Variants in ZNF561 observed in about 807,000 individuals in gnomAD.
ZNF561 encodes the protein zinc finger protein 561.
Under a neutral mutation model 16.7 loss-of-function variants are expected in ZNF561, and 16 were observed. The observed-to-expected ratio is 0.96, with a 90% CI of 0.65 to 1.45. The LOEUF (loss-of-function observed/expected upper bound fraction) is 1.45, where lower values mean the gene tolerates loss of function less well. ZNF561 is among the 40% of genes most tolerant of loss of function. ZNF561 has a pLI of 0.00. For synonymous variants in ZNF561, 190 were observed against 192.1 expected (o/e 0.99, Z 0.09); for missense variants, 580 against 578.0 (o/e 1.00, Z -0.04).
rs532148577 is a variant in ZNF561, at chr19:9,617,982, G to T, written c.114+109C>A. The stretch of plus-strand genomic sequence containing the variant: ...TCTGGGGACTCAGTCCTTGAGTAAG[G>T]CTTCATTTGCTCTAAGAAAACTCTG... On this transcript the variant is annotated intron_variant, in intron 3 of 5. Transcript: ENST00000302851. The T allele has an allele frequency of 4.9e-5, 50 of 1,017,588 alleles. No individual in the cohort carries two copies. In the African/African-American group the frequency reaches 7.9e-4, roughly 16 times the overall value. 63.0% of individuals were successfully genotyped at this position (1,017,588 alleles called of 1,614,324 possible).
chr19:9,620,024 G>A (rs1406909547), intron 1 of ZNF561, among the ~76,000 whole-genome samples: 1 of 151,888 alleles, frequency 6.6e-6, no homozygotes, highest in African/African-American at 2.4e-5. Context: ...GACTTCCCGG[G>A]CTCAAGTGAT....
rs1371439770 is a variant in ZNF561 at position 9,608,083 on chromosome 19, G to A, written c.*2117C>T. 1 of 152,200 alleles carries A rather than the reference G, an allele frequency of 6.6e-6. No individual in the cohort carries two copies. Among genetic ancestry groups the A allele is most frequent in the African/African-American group, 2.4e-5 (1 of 41,430 alleles). 9.4% of individuals were successfully genotyped at this position (152,200 alleles called of 1,614,324 possible). A position where few individuals can be genotyped will look rare whatever the true frequency, so the allele number is the denominator to read the frequency against. On this transcript the variant is annotated 3_prime_UTR_variant, in exon 6 of 6. Transcript: ENST00000302851. ...AGACAGGGTTTCACCGTGTTAACTA[G>A]GACAGTCTCGATCTCCTGACCTCGT...
chr19:9,618,543 G>A (rs929128651), intron 2 of ZNF561, among the ~76,000 whole-genome samples: 5 of 151,486 alleles, frequency 3.3e-5, no homozygotes, highest in African/African-American at 1.2e-4. Context: ...TAGCTAACAC[G>A]GTGAAACCCC....
At chr19:9,620,218 T>C (rs1294110017) in intron 1 of ZNF561, among the ~76,000 whole-genome samples, 1 of 152,138 alleles carries the variant, frequency 6.6e-6, no homozygotes, top group Non-Finnish European at 1.5e-5. Flanking sequence ...GCCTCCCGAG[T>C]AGCTGGGATT....
intron 1 of ZNF561, among the ~76,000 whole-genome samples, chr19:9,620,698 T>C (rs562934209): frequency 4.9e-4 from 75 of 152,284 alleles, no homozygotes; most frequent in African/African-American, 1.8e-3. Flanking sequence ...CCACGTGTGT[T>C]ATTGATAACT....
chr19:9,609,373 A>G lies in ZNF561; in HGVS notation c.*827T>C, dbSNP rs1363571767. Reference sequence around the variant, plus strand: ...GGGTCTCCATGACCCAGCTGGTCTCAGCAAAAATGCAAAAGGAGACCTGAA... The same window carrying G: ...GGGTCTCCATGACCCAGCTGGTCTCGGCAAAAATGCAAAAGGAGACCTGAA... On this transcript the variant is annotated 3_prime_UTR_variant, in exon 6 of 6. Transcript: ENST00000302851. 10 of 152,294 alleles carry G rather than the reference A, an allele frequency of 6.6e-5. No homozygotes were observed. The highest frequency in any genetic ancestry group is 5.9e-4 in the Admixed American group (9 of 15,304). The allele number at this position is 152,294 out of a possible 1,614,324, so 9.4% of individuals were successfully genotyped here. A position where few individuals can be genotyped will look rare whatever the true frequency, so the allele number is the denominator to read the frequency against.
At position 9,620,064 on chromosome 19, in the gene ZNF561, G is replaced by C. The variant is rs1167062628; in HGVS notation, c.-126-482C>G. ...CCACTTCAGCCTCCTGAATAGCTGG[G>C]ACCATAGGTGCGTATCATCACTCAT... On this transcript the variant is annotated intron_variant, in intron 1 of 5. Transcript: ENST00000302851. Among the ~76,000 whole-genome samples the C allele has an allele frequency of 2.0e-5, 3 of 151,852 alleles. No individual in the cohort carries two copies. In the East Asian group the frequency reaches 5.8e-4, roughly 29 times the overall value.
intron 2 of ZNF561, 98 bp downstream of exon 2, chr19:9,619,334 C>G: frequency 2.7e-6 from 3 of 1,126,368 alleles, no homozygotes; most frequent in Admixed American, 2.2e-5. Flanking sequence ...CTAAAAGAAC[C>G]AGCTGCATGC....
chr19:9,617,327 A>AT (rs1257905480), intron 3 of ZNF561, 156 bp from the exon 4 acceptor site: 1 of 1,303,406 alleles, frequency 7.7e-7, no homozygotes, highest in Non-Finnish European at 9.8e-7. Flanking sequence ...TCTTGTGTCT[A>AT]AACACTCAAG....
rs556380053 is a variant in ZNF561 at position 9,608,544 on chromosome 19, G to A, written c.*1656C>T. ...GTGATAGTGGCCTGAGCTCATTAAGGCAGATTAAAAACAAACAAACAAAAA... is the reference window on the plus strand; with the variant it reads ...GTGATAGTGGCCTGAGCTCATTAAGACAGATTAAAAACAAACAAACAAAAA... On this transcript the variant is annotated 3_prime_UTR_variant, in exon 6 of 6. Transcript: ENST00000302851. 1.3e-5 allele frequency: 2 copies of A among 152,246 alleles called. No homozygotes were observed. The highest frequency in any genetic ancestry group is 4.8e-5 in the African/African-American group (2 of 41,538). 9.4% of individuals were successfully genotyped at this position (152,246 alleles called of 1,614,324 possible).
In ZNF561 at chr19:9,609,540, T is replaced by C. The variant is rs2074408157; in HGVS notation, c.*660A>G. 1 of 152,182 alleles carries C rather than the reference T, an allele frequency of 6.6e-6. No homozygotes were observed. Among genetic ancestry groups the C allele is most frequent in the African/African-American group, 2.4e-5 (1 of 41,448 alleles). The allele number at this position is 152,182 out of a possible 1,614,324, so 9.4% of individuals were successfully genotyped here. On this transcript the variant is annotated 3_prime_UTR_variant, in exon 6 of 6. Transcript: ENST00000302851. ...GCTGAACGATCATCTGATAAAGAGA[T>C]CATGAGTGGGATTCATGGACTATAT...
chr19:9,617,963 G>T lies in ZNF561; in HGVS notation c.114+128C>A, dbSNP rs2074588297. The T allele has an allele frequency of 1.1e-5, 9 of 838,572 alleles. No individual in the cohort carries two copies. The South Asian group carries it at 1.3e-4, about 12-fold the overall frequency. The allele number at this position is 838,572 out of a possible 1,614,324, so 51.9% of individuals were successfully genotyped here. ...CATTCCCTGGGGAAATTCATCTGGG[G>T]ACTCAGTCCTTGAGTAAGGCTTCAT... On this transcript the variant is annotated intron_variant, in intron 3 of 5. Transcript: ENST00000302851.
chr19:9,618,050 G>A, intron 3 of ZNF561, 41 bp downstream of exon 3: 2 of 1,513,552 alleles, frequency 1.3e-6, no homozygotes, highest in South Asian at 2.4e-5. Flanking sequence ...CCTATTGGAT[G>A]AAAGCATATC....
chr19:9,619,516 G>T lies in ZNF561; in HGVS notation c.-60C>A, dbSNP rs757786512. 3.3e-5 allele frequency: 52 copies of T among 1,590,344 alleles called. No individual in the cohort carries two copies. Among genetic ancestry groups the T allele is most frequent in the Non-Finnish European group, 4.0e-5 (47 of 1,160,772 alleles). ...TTCCTTGATGCCAAGATCACCTCAG[G>T]CCAGCTTATGAATCTAGGTGGATAG... On this transcript the variant is annotated 5_prime_UTR_variant, in exon 2 of 6. Transcript: ENST00000302851.
chr19:9,616,550 G>T (rs879323987), intron 4 of ZNF561, among the ~76,000 whole-genome samples: 15 of 151,872 alleles, frequency 9.9e-5, no homozygotes, highest in Non-Finnish European at 1.5e-4. Flanking sequence ...CAAAGTGCTG[G>T]GATTATAGAT....
chr19:9,613,301 GTTTC>G (rs1461690895), intron 5 of ZNF561, among the ~76,000 whole-genome samples: 4 of 151,966 alleles, frequency 2.6e-5, no homozygotes, highest in South Asian at 4.1e-4. Flanking sequence ...CATTTGTGCA[GTTTC>G]TTTTTCACTG....
At chr19:9,618,496 G>A (rs1185514487) in intron 2 of ZNF561, among the ~76,000 whole-genome samples, 1 of 152,122 alleles carries the variant, frequency 6.6e-6, no homozygotes, top group Non-Finnish European at 1.5e-5. Flanking sequence ...GGAGGCCGAG[G>A]CGGGTGGATC....
rs1046563105 is a variant in ZNF561, at chr19:9,608,989, T to G, written c.*1211A>C. The G allele has an allele frequency of 6.6e-6, 1 of 152,254 alleles. No individual in the cohort carries two copies. The highest frequency in any genetic ancestry group is 6.5e-5 in the Admixed American group (1 of 15,274). The allele number at this position is 152,254 out of a possible 1,614,324, so 9.4% of individuals were successfully genotyped here. A position where few individuals can be genotyped will look rare whatever the true frequency, so the allele number is the denominator to read the frequency against. On this transcript the variant is annotated 3_prime_UTR_variant, in exon 6 of 6. Coordinates refer to ENST00000302851, the MANE Select transcript of ZNF561 (RefSeq NM_152289.3). Reference sequence around the variant, plus strand: ...ATGCTCGTGATGGCTATGACACCCATGCTGGAGGTTGCTGGTTTACCCGAA... The same window carrying G: ...ATGCTCGTGATGGCTATGACACCCAGGCTGGAGGTTGCTGGTTTACCCGAA...
chr19:9,621,028 G>C (rs1054096004), intron 1 of ZNF561, 134 bp downstream of exon 1: 4 of 152,360 alleles, frequency 2.6e-5, no homozygotes, highest in Non-Finnish European at 5.9e-5. Flanking sequence ...CGAACTGGAC[G>C]CACAGGGAGG....
Sources: gnomAD v4.1 joint callset for allele counts (sites outside exome capture counted in the v4.1 genomes callset) on GRCh38, gnomAD v4.1.1 for gene constraint, MANE v1.5 for transcripts, NCBI Gene and HGNC (gene_info 2026-07-23, HGNC 2026-07-21) for gene names.